Variants in PCDH7 observed in about 807,000 individuals in gnomAD.
PCDH7 encodes the protein protocadherin-7.
A neutral mutation model predicts 58.9 loss-of-function variants in PCDH7; 17 were observed. That is an observed-to-expected ratio of 0.29 (90% confidence interval 0.20 to 0.43). PCDH7 has a LOEUF of 0.43. PCDH7 is among the 20% of genes least tolerant of loss of function. The probability of loss-of-function intolerance (pLI) is 1.00; values close to 1 mark genes in which losing one functional copy is unlikely to be tolerated. For missense variants in PCDH7, 1,274 were observed against 1,441.0 expected (o/e 0.88, Z 1.88); for synonymous variants, 664 against 616.4 (o/e 1.08, Z -1.14).
intron 3 of PCDH7, among the ~76,000 whole-genome samples, chr4:31,008,653 C>T (rs1020833000): frequency 4.6e-5 from 7 of 152,066 alleles, no homozygotes; most frequent in Admixed American, 6.6e-5. Flanking sequence ...AGATCTAATG[C>T]AACCTCTTTG....
At chr4:30,800,635 C>T (rs1725417772) in intron 1 of PCDH7, among the ~76,000 whole-genome samples, 1 of 152,158 alleles carries the variant, frequency 6.6e-6, no homozygotes, top group African/African-American at 2.4e-5. Context: ...GATACAAGAA[C>T]CTTTTGAGTT....
rs74546253 is a variant in PCDH7, at chr4:30,799,299, G to T, written c.70+74703G>T. 1.1e-4 allele frequency among the ~76,000 whole-genome samples: 17 copies of T among 152,212 alleles called. No homozygotes were observed. In the East Asian group the frequency reaches 3.3e-3, roughly 29 times the overall value. ...AGCATTTCAAAAATTCAGAATTCCT[G>T]TCCTATGAATAATGATTAATGTACA... On this transcript the variant is annotated intron_variant, in intron 1 of 3. Coordinates refer to the PCDH7 transcript ENST00000509759.
At chr4:30,809,153 T>A (rs548124666) in intron 1 of PCDH7, among the ~76,000 whole-genome samples, 3 of 152,352 alleles carry the variant, frequency 2.0e-5, no homozygotes, top group Admixed American at 2.0e-4. Flanking sequence ...ATTAGCGACA[T>A]AGCTATGTAG....
chr4:30,780,154 T>C (rs1302195361), intron 1 of PCDH7, among the ~76,000 whole-genome samples: 1 of 152,204 alleles, frequency 6.6e-6, no homozygotes, highest in African/African-American at 2.4e-5. Flanking sequence ...CATAGTGGTA[T>C]GGTCTATTTG....
In PCDH7 at chr4:30,840,631, C is replaced by T. The variant is rs547157446; in HGVS notation, c.71-79522C>T. On this transcript the variant is annotated intron_variant, in intron 1 of 3. Coordinates refer to the PCDH7 transcript ENST00000509759. ...TCCAAGCTTTATAAAGCCCCAACTACGCAGAGGGCAAATTCTCAAGTTACA... is the reference window on the plus strand; with the variant it reads ...TCCAAGCTTTATAAAGCCCCAACTATGCAGAGGGCAAATTCTCAAGTTACA... Among the ~76,000 whole-genome samples, 101 of 152,184 alleles carry T rather than the reference C, an allele frequency of 6.6e-4. 2 individuals carry two copies. In the South Asian group the frequency reaches 0.017, roughly 26 times the overall value.
At chr4:31,140,140 GGTA>G in intron 3 of PCDH7, among the ~76,000 whole-genome samples, 1 of 152,258 alleles carries the variant, frequency 6.6e-6, no homozygotes, top group African/African-American at 2.4e-5. Flanking sequence ...ATGAGCTGTA[GGTA>G]GTTTAGGTAC....
intron 1 of PCDH7, among the ~76,000 whole-genome samples, chr4:30,762,084 T>C (rs962799780): frequency 7.9e-5 from 12 of 152,180 alleles, no homozygotes; most frequent in African/African-American, 2.9e-4. Context: ...TCAGAGATAA[T>C]GTGACTGCAT....
At chr4:30,896,411 C>T (rs1739393560) in intron 1 of PCDH7, among the ~76,000 whole-genome samples, 1 of 151,918 alleles carries the variant, frequency 6.6e-6, no homozygotes, top group Admixed American at 6.6e-5. Flanking sequence ...GTGTTTCTAC[C>T]CCCACCTTGG....
At chr4:30,928,812 C>A (rs1344432273) in intron 2 of PCDH7, among the ~76,000 whole-genome samples, 1 of 152,094 alleles carries the variant, frequency 6.6e-6, no homozygotes, top group African/African-American at 2.4e-5. Flanking sequence ...TTATACTGGC[C>A]TGGAGGCTTC....
At chr4:30,899,144 T>TA (rs955377833) in intron 1 of PCDH7, among the ~76,000 whole-genome samples, 31 of 151,992 alleles carry the variant, frequency 2.0e-4, no homozygotes, top group Admixed American at 3.9e-4. Context: ...TGGTTGTGAT[T>TA]AAAAAAAATT....
intron 3 of PCDH7, among the ~76,000 whole-genome samples, chr4:30,998,781 C>G (rs1421932465): frequency 1.3e-5 from 2 of 151,996 alleles, no homozygotes; most frequent in Non-Finnish European, 2.9e-5. Flanking sequence ...GCTAGAATTT[C>G]TATCGTAGAA....
At chr4:30,724,094 T>G (rs1371956232) in exon 1 of PCDH7, 2 of 1,614,032 alleles carry the variant, frequency 1.2e-6, no homozygotes, top group Non-Finnish European at 1.7e-6. Context: ...ATTATGACGG[T>G]GATTCTAATC....
chr4:31,021,581 C>T (rs181790811), intron 3 of PCDH7, among the ~76,000 whole-genome samples: 21 of 152,180 alleles, frequency 1.4e-4, no homozygotes, highest in Admixed American at 4.6e-4. Flanking sequence ...TGGCTTTCTG[C>T]GGGACTCAAA....
chr4:31,098,084 G>T (rs534846479), intron 3 of PCDH7, among the ~76,000 whole-genome samples: 6 of 152,260 alleles, frequency 3.9e-5, no homozygotes, highest in East Asian at 3.9e-4. Flanking sequence ...GAAACACGTT[G>T]CTTGTTTATT....
chr4:30,925,223 T>G (rs1743702522), intron 2 of PCDH7, among the ~76,000 whole-genome samples: 1 of 152,198 alleles, frequency 6.6e-6, no homozygotes, highest in Admixed American at 6.5e-5. Flanking sequence ...ACAGTGTATT[T>G]GAAATATCAT....
chr4:31,049,287 G>A (rs891699021), intron 3 of PCDH7, among the ~76,000 whole-genome samples: 2 of 152,012 alleles, frequency 1.3e-5, no homozygotes, highest in African/African-American at 2.4e-5. Context: ...CTTCAAGGCA[G>A]GCAAGCAAAA....
At chr4:30,749,037 G>A (rs1718143408) in intron 1 of PCDH7, among the ~76,000 whole-genome samples, 1 of 152,054 alleles carries the variant, frequency 6.6e-6, no homozygotes, top group African/African-American at 2.4e-5. Context: ...TTATCAACAG[G>A]GGAAGGGATA....
intron 1 of PCDH7, among the ~76,000 whole-genome samples, chr4:30,777,283 A>G (rs1201382826): frequency 6.6e-6 from 1 of 152,216 alleles, no homozygotes. Context: ...GAATGTTAGT[A>G]TCACTAATTG....
At position 30,931,055 on chromosome 4, in the gene PCDH7, C is replaced by A. The variant is rs184282893; in HGVS notation, c.287+10686C>A. 6.6e-5 allele frequency among the ~76,000 whole-genome samples: 10 copies of A among 152,190 alleles called. No homozygotes were observed. In the East Asian group the frequency reaches 1.7e-3, roughly 26 times the overall value. The stretch of plus-strand genomic sequence containing the variant: ...AGTAACTATCAAATATCTAGTCCTG[C>A]AGAGATGAAGATAAAGAAGTAGACC... On this transcript the variant is annotated intron_variant, in intron 2 of 3. Transcript: ENST00000509759.
Sources: allele counts gnomAD v4.1 joint callset (sites outside exome capture counted in the v4.1 genomes callset), GRCh38; gene constraint gnomAD v4.1.1; transcripts MANE v1.5; gene names NCBI Gene and HGNC (gene_info 2026-07-23, HGNC 2026-07-21).